The following SLCO2A1 variants were observed in gnomAD, a reference collection of about 807,000 sequenced individuals.
SLCO2A1 encodes the protein matrin F/G 1.
Under a neutral mutation model 71.7 loss-of-function variants are expected in SLCO2A1, and 60 were observed. The ratio of observed to expected loss-of-function variants is 0.84; its 90% CI spans 0.68 to 1.04. The LOEUF is 1.04. SLCO2A1 is among the 50% of genes least tolerant of loss of function. The probability of loss-of-function intolerance (pLI) is 0.00; values close to 1 mark genes in which losing one functional copy is unlikely to be tolerated. For synonymous variants in SLCO2A1, 308 were observed against 326.7 expected, an observed-to-expected ratio of 0.94 and a Z score of 0.62; for missense variants, 745 against 813.4, an observed-to-expected ratio of 0.92 and a Z score of 1.02.
intron 12 of SLCO2A1, 80 bp downstream of exon 12, chr3:133,938,349 A>T: frequency 2.4e-6 from 3 of 1,239,618 alleles, no homozygotes; most frequent in Non-Finnish European, 3.6e-6. Flanking sequence ...TGCTTCCTCC[A>T]TCGCTACCCT....
chr3:133,989,628 G>A (rs1227511042), intron 1 of SLCO2A1, among the ~76,000 whole-genome samples: 1 of 152,070 alleles, frequency 6.6e-6, no homozygotes, highest in Non-Finnish European at 1.5e-5. Context: ...AAAATATCAA[G>A]TAGTGTGGAA....
intron 2 of SLCO2A1, among the ~76,000 whole-genome samples, chr3:133,976,450 C>T (rs566628485): frequency 7.9e-5 from 12 of 152,258 alleles, no homozygotes; most frequent in Admixed American, 3.9e-4. Context: ...AGCTCTTCTG[C>T]ACTCTCCAGG....
At chr3:134,002,664 C>T (rs138632382) in intron 1 of SLCO2A1, among the ~76,000 whole-genome samples, 27 of 152,262 alleles carry the variant, frequency 1.8e-4, no homozygotes, top group African/African-American at 6.5e-4. Flanking sequence ...TGGGCCCCAC[C>T]TCCAGTTTTT....
intron 2 of SLCO2A1, 68 bp from the exon 3 acceptor site, chr3:133,973,893 C>T (rs1213232569): frequency 1.6e-5 from 24 of 1,480,888 alleles, no homozygotes; most frequent in Admixed American, 1.4e-4. Context: ...AGAGAAGACC[C>T]GATCACACTT....
intron 1 of SLCO2A1, among the ~76,000 whole-genome samples, chr3:133,994,946 T>C (rs1934932239): frequency 6.6e-6 from 1 of 152,202 alleles, no homozygotes; most frequent in African/African-American, 2.4e-5. Flanking sequence ...TCCTACTCTT[T>C]TCTTCTGATC....
rs1446075531 is a variant in SLCO2A1 at position 133,948,988 on chromosome 3, G to C, written c.862-17C>G. The C allele has an allele frequency of 6.8e-6, 11 of 1,609,750 alleles. No individual in the cohort carries two copies. In the African/African-American group the frequency reaches 1.5e-4, roughly 22 times the overall value. ...AGGAGCCCTCTGAAGGCAATAAAAG[G>C]GGTGAGTGTTCACGGCCCAGGCTCA... On this transcript the variant is annotated splice_polypyrimidine_tract_variant and intron_variant, in intron 6 of 13. Coordinates refer to ENST00000310926, the MANE Select transcript of SLCO2A1 (RefSeq NM_005630.3).
Position 134,017,540 on chromosome 3 carries a change from T to G in SLCO2A1, c.96+12167A>C, listed in dbSNP as rs1191122040. On this transcript the variant is annotated intron_variant, in intron 1 of 13. Transcript: ENST00000310926. Reference sequence around the variant, plus strand: ...CCAAGCACATGTTAGTGAACTTAACTTCAGAACAGGGGCCAAACTAGCCTG... The same window carrying G: ...CCAAGCACATGTTAGTGAACTTAACGTCAGAACAGGGGCCAAACTAGCCTG... Among the ~76,000 whole-genome samples, 4 of 152,284 alleles carry G rather than the reference T, an allele frequency of 2.6e-5. No individual in the cohort carries two copies. In the East Asian group the frequency reaches 7.7e-4, roughly 29 times the overall value.
chr3:133,934,969 T>C, intron 13 of SLCO2A1, 139 bp from the exon 14 acceptor site: 5 of 646,532 alleles, frequency 7.7e-6, no homozygotes, highest in Non-Finnish European at 1.3e-5. Flanking sequence ...GAGGATCACT[T>C]TCCTCATTTC....
At position 133,938,471 on chromosome 3, in the gene SLCO2A1, A is replaced by C; in HGVS notation, c.1648T>G (p.Ser550Ala). The change falls in exon 12 of 14, where the codon TCA becomes GCA. Residue 550 changes from serine to alanine, a missense_variant. Physicochemically the swap from Ser to Ala is moderately conservative, Grantham distance 99 (BLOSUM62 1). Transcript: ENST00000310926. Reference protein sequence around the residue: ...VLRVVNQEEKSFAIGVQFLLM... With the variant: ...VLRVVNQEEKAFAIGVQFLLM... ...AAGAACTGCACCCCGATGGCAAATGACTTTTCCTCCTGGTTCACCACACTG... is the reference window on the plus strand; with the variant it reads ...AAGAACTGCACCCCGATGGCAAATGCCTTTTCCTCCTGGTTCACCACACTG... 1 of 1,614,078 alleles carries C rather than the reference A, an allele frequency of 6.2e-7. No individual in the cohort carries two copies. Among genetic ancestry groups the C allele is most frequent in the Non-Finnish European group, 8.5e-7 (1 of 1,179,998 alleles).
intron 1 of SLCO2A1, among the ~76,000 whole-genome samples, chr3:134,003,417 T>C (rs144844524): frequency 7.8e-4 from 118 of 152,234 alleles, no homozygotes; most frequent in African/African-American, 2.7e-3. Flanking sequence ...GGGCGTCTGA[T>C]CTTTATGGCT....
intron 1 of SLCO2A1, among the ~76,000 whole-genome samples, chr3:134,008,326 A>T (rs1559956326): frequency 6.6e-6 from 1 of 152,228 alleles, no homozygotes; most frequent in Admixed American, 6.5e-5. Flanking sequence ...ACTCTGTTTT[A>T]TTCATTATCG....
chr3:134,001,928 G>A (rs549416287), intron 1 of SLCO2A1, among the ~76,000 whole-genome samples: 8 of 152,014 alleles, frequency 5.3e-5, no homozygotes, highest in Non-Finnish European at 7.4e-5. Context: ...CACAGCGATC[G>A]CCACCCTCGT....
intron 1 of SLCO2A1, among the ~76,000 whole-genome samples, chr3:134,017,049 G>C (rs1483510109): frequency 6.6e-6 from 1 of 152,216 alleles, no homozygotes; most frequent in African/African-American, 2.4e-5. Context: ...ACGGAAGCAA[G>C]GGGACGTGAC....
intron 1 of SLCO2A1, among the ~76,000 whole-genome samples, chr3:134,008,555 G>A (rs1281916937): frequency 1.3e-5 from 2 of 152,210 alleles, no homozygotes; most frequent in Non-Finnish European, 2.9e-5. Flanking sequence ...CTCCCAGGCA[G>A]AAAACCCCAG....
chr3:133,952,414 G>A (rs569711721), intron 5 of SLCO2A1, among the ~76,000 whole-genome samples: 1 of 152,332 alleles, frequency 6.6e-6, no homozygotes, highest in Admixed American at 6.5e-5. Context: ...TCTTCCTGGA[G>A]TCTGGCTCAG....
chr3:133,955,485 C>T (rs1933876400), intron 3 of SLCO2A1: 2 of 418,252 alleles, frequency 4.8e-6, no homozygotes, highest in Non-Finnish European at 8.7e-6. Context: ...ATGCCTTCTC[C>T]TCCATGGGCA....
At chr3:133,964,308 T>A (rs1168485973) in intron 3 of SLCO2A1, among the ~76,000 whole-genome samples, 1 of 152,188 alleles carries the variant, frequency 6.6e-6, no homozygotes, top group African/African-American at 2.4e-5. Context: ...ACAGATATAA[T>A]ACCTGTCTTA....
At chr3:133,970,415 A>C (rs1934296525) in intron 3 of SLCO2A1, among the ~76,000 whole-genome samples, 1 of 152,230 alleles carries the variant, frequency 6.6e-6, no homozygotes, top group Non-Finnish European at 1.5e-5. Flanking sequence ...AGAGTGGTAC[A>C]TTTAATGAAA....
intron 3 of SLCO2A1, among the ~76,000 whole-genome samples, chr3:133,960,565 G>A (rs533613801): frequency 2.6e-5 from 4 of 152,308 alleles, no homozygotes; most frequent in East Asian, 1.9e-4. Context: ...GGAATGAAGA[G>A]TTAGTGTTTA....
Sources: allele counts gnomAD v4.1 joint callset (sites outside exome capture counted in the v4.1 genomes callset), GRCh38; gene constraint gnomAD v4.1.1; transcripts MANE v1.5; gene names NCBI Gene and HGNC (gene_info 2026-07-23, HGNC 2026-07-21).